The following STIM1 variants were observed in gnomAD, a reference collection of about 807,000 sequenced individuals.
STIM1 encodes the protein stromal interaction molecule 1.
STIM1 carries 25 observed loss-of-function variants against 74.7 expected under a neutral mutation model. That is an observed-to-expected ratio of 0.33 (90% CI 0.24 to 0.47). The LOEUF (loss-of-function observed/expected upper bound fraction) is 0.47, where lower values mean the gene tolerates loss of function less well. Ranked by LOEUF, STIM1 falls within the 20% of genes least tolerant of loss-of-function variation. The pLI is 1.00. For synonymous variants in STIM1, 328 were observed against 348.8 expected, an observed-to-expected ratio of 0.94 and a Z score of 0.66; for missense variants, 728 against 920.8, an observed-to-expected ratio of 0.79 and a Z score of 2.71.
intron 9 of STIM1, 123 bp downstream of exon 9, chr11:4,083,105 C>T: frequency 5.1e-6 from 6 of 1,175,934 alleles, no homozygotes; most frequent in Non-Finnish European, 7.6e-6. Flanking sequence ...GGTCTCCTGC[C>T]TCAGCCTTTA....
chr11:3,991,829 A>T (rs924256414), intron 2 of STIM1, among the ~76,000 whole-genome samples: 3 of 151,486 alleles, frequency 2.0e-5, no homozygotes, highest in Non-Finnish European at 4.4e-5. Flanking sequence ...GCATGCCTGT[A>T]ATCCCAGCTA....
chr11:3,946,624 A>G (rs1419546681), intron 1 of STIM1, among the ~76,000 whole-genome samples: 2 of 152,182 alleles, frequency 1.3e-5, no homozygotes, highest in Non-Finnish European at 2.9e-5. Flanking sequence ...TTAAGCAATC[A>G]GAAGCATTTT....
intron 2 of STIM1, among the ~76,000 whole-genome samples, chr11:3,981,832 A>G (rs1565136072): frequency 6.6e-6 from 1 of 152,222 alleles, no homozygotes; most frequent in South Asian, 2.1e-4. Context: ...AACACATACT[A>G]TAGGAGCACA....
At chr11:3,955,825 T>A (rs556796697) in intron 1 of STIM1, among the ~76,000 whole-genome samples, 1 of 152,080 alleles carries the variant, frequency 6.6e-6, no homozygotes, top group Non-Finnish European at 1.5e-5. Context: ...CTGCTCTATG[T>A]GGAAAGGCTG....
intron 4 of STIM1, among the ~76,000 whole-genome samples, chr11:4,056,857 A>G (rs1189011387): frequency 1.3e-5 from 2 of 152,188 alleles, no homozygotes; most frequent in Admixed American, 6.5e-5. Flanking sequence ...ACTGAATCTC[A>G]AATATTTTAT....
chr11:3,861,379 A>G (rs7104206), intron 1 of STIM1, among the ~76,000 whole-genome samples: 10,112 of 151,988 alleles, frequency 0.067, 337 homozygotes, highest in Middle Eastern at 0.12. Context: ...GACTACAGGC[A>G]TCCGCCACCA....
chr11:3,883,511 G>C (rs192334849), intron 1 of STIM1, among the ~76,000 whole-genome samples: 122 of 152,130 alleles, frequency 8.0e-4, no homozygotes, highest in African/African-American at 2.7e-3. Flanking sequence ...GCGCCACCAC[G>C]CCCAGCTAAT....
intron 7 of STIM1, among the ~76,000 whole-genome samples, chr11:4,081,812 G>A (rs2094467073): frequency 6.6e-6 from 1 of 152,194 alleles, no homozygotes; most frequent in East Asian, 1.9e-4. Flanking sequence ...GTGATGTCTT[G>A]AAGTCTAAGC....
intron 1 of STIM1, among the ~76,000 whole-genome samples, chr11:3,936,675 C>G (rs1232341336): frequency 6.6e-6 from 1 of 152,168 alleles, no homozygotes; most frequent in Non-Finnish European, 1.5e-5. Flanking sequence ...TTAGTAGTGG[C>G]TGCAGCCCAT....
chr11:3,943,207 C>T (rs772331742), intron 1 of STIM1, among the ~76,000 whole-genome samples: 1 of 152,134 alleles, frequency 6.6e-6, no homozygotes, highest in Non-Finnish European at 1.5e-5. Context: ...TCCTTGACTC[C>T]TAGGAAAGAA....
chr11:3,944,547 A>C (rs2093049063), intron 1 of STIM1, among the ~76,000 whole-genome samples: 1 of 152,238 alleles, frequency 6.6e-6, no homozygotes, highest in Non-Finnish European at 1.5e-5. Flanking sequence ...ACTCTTCATC[A>C]ATACTATGTT....
chr11:4,070,752 C>T (rs1367216990), intron 6 of STIM1, among the ~76,000 whole-genome samples: 1 of 152,184 alleles, frequency 6.6e-6, no homozygotes, highest in African/African-American at 2.4e-5. Context: ...CCTAGGAGAA[C>T]ACTTCCAACT....
intron 1 of STIM1, among the ~76,000 whole-genome samples, chr11:3,875,846 G>A (rs1447000833): frequency 6.6e-6 from 1 of 152,120 alleles, no homozygotes; most frequent in Non-Finnish European, 1.5e-5. Context: ...TACTGCAATA[G>A]GATGAAACAT....
chr11:3,900,067 G>T (rs900089373), intron 1 of STIM1, among the ~76,000 whole-genome samples: 4 of 152,192 alleles, frequency 2.6e-5, no homozygotes, highest in African/African-American at 9.6e-5. Context: ...TTTTTCTATT[G>T]ATTGGAATAG....
At chr11:3,981,491 C>G (rs149889685) in intron 2 of STIM1, among the ~76,000 whole-genome samples, 3 of 152,118 alleles carry the variant, frequency 2.0e-5, no homozygotes, top group Non-Finnish European at 4.4e-5. Context: ...ATTTTGAATT[C>G]GAAAACAAAG....
At position 3,895,739 on chromosome 11, in the gene STIM1, TCTTTCTTCCTTC is replaced by T. The variant is rs1300315581; in HGVS notation, c.139+39334_139+39345del. 5.7e-4 allele frequency among the ~76,000 whole-genome samples: 19 copies of T among 33,564 alleles called. 4 individuals carry two copies. The highest frequency in any genetic ancestry group is 2.7e-3 in the African/African-American group (13 of 4,884). The allele number at this position is 33,564 out of a possible 152,430, so 22.0% of individuals were successfully genotyped here. ...CTTTCTTTCTTTCTTTCTTTCTTTTTCTTTCTTCCTTCCTTCCTTCCTTCCTTCCTTCCTTCC... is the reference window on the plus strand; with the variant it reads ...CTTTCTTTCTTTCTTTCTTTCTTTTTCTTCCTTCCTTCCTTCCTTCCTTCC... On this transcript the variant is annotated intron_variant, in intron 1 of 12. Coordinates refer to ENST00000526596, the MANE Select transcript of STIM1 (RefSeq NM_001382567.1).
intron 2 of STIM1, among the ~76,000 whole-genome samples, chr11:4,020,645 G>A (rs751826602): frequency 1.5e-4 from 23 of 151,912 alleles, no homozygotes; most frequent in Admixed American, 5.9e-4. Flanking sequence ...CTGGAGTACA[G>A]TGGCATGATC....
intron 1 of STIM1, among the ~76,000 whole-genome samples, chr11:3,952,112 T>C (rs998445799): frequency 1.3e-5 from 2 of 152,222 alleles, no homozygotes; most frequent in South Asian, 2.1e-4. Context: ...TTTGCTATTG[T>C]TGGGAAGGTA....
intron 12 of STIM1, 132 bp from the exon 13 acceptor site, chr11:4,091,150 C>T: frequency 7.9e-7 from 1 of 1,259,926 alleles, no homozygotes; most frequent in Admixed American, 1.7e-5. Context: ...CTATTTCTCT[C>T]TCCTGCCGCT....
Sources: allele counts gnomAD v4.1 joint callset (sites outside exome capture counted in the v4.1 genomes callset), GRCh38; gene constraint gnomAD v4.1.1; transcripts MANE v1.5; gene names NCBI Gene and HGNC (gene_info 2026-07-23, HGNC 2026-07-21).